The following NFATC1 variants were observed in gnomAD, a reference collection of about 807,000 sequenced individuals.
The protein encoded by NFATC1 is nuclear factor of activated T cells 1, also known as nuclear factor of activated T-cells, cytoplasmic 1.
A neutral mutation model predicts 76.0 loss-of-function variants in NFATC1; 22 were observed. That is an observed-to-expected ratio of 0.29 (90% CI 0.21 to 0.41). NFATC1 has a LOEUF of 0.41. Among genes scored for constraint, NFATC1 ranks in the 10% least tolerant of loss-of-function variants. NFATC1 has a pLI of 1.00. For synonymous variants in NFATC1, 704 were observed against 613.1 expected, an observed-to-expected ratio of 1.15 and a Z score of -2.19; for missense variants, 1,357 against 1,337.7, an observed-to-expected ratio of 1.01 and a Z score of -0.23.
intron 9 of NFATC1, among the ~76,000 whole-genome samples, chr18:79,508,454 A>G (rs2090168492): frequency 6.6e-6 from 1 of 151,494 alleles, no homozygotes; most frequent in Non-Finnish European, 1.5e-5. Flanking sequence ...GAGCTCAGAA[A>G]TGTTTGTCAG....
At chr18:79,502,112 G>C (rs2090026200) in intron 9 of NFATC1, among the ~76,000 whole-genome samples, 1 of 152,238 alleles carries the variant, frequency 6.6e-6, no homozygotes, top group Non-Finnish European at 1.5e-5. Context: ...AGAACTTTCT[G>C]TGAAGCTATA....
At chr18:79,527,315 G>A (rs767022736) in intron 9 of NFATC1, 65 of 544,472 alleles carry the variant, frequency 1.2e-4, no homozygotes, top group African/African-American at 4.2e-4. Flanking sequence ...GGACGAGGGC[G>A]GTCACTCTGG....
intron 2 of NFATC1, among the ~76,000 whole-genome samples, chr18:79,430,900 C>T (rs2086567638): frequency 2.0e-5 from 3 of 152,236 alleles, no homozygotes; most frequent in South Asian, 4.1e-4. Flanking sequence ...GAGCTCTGTG[C>T]AGAGAAGTCT....
intron 9 of NFATC1, among the ~76,000 whole-genome samples, chr18:79,506,143 A>G (rs1600951830): frequency 6.6e-6 from 1 of 152,290 alleles, no homozygotes; most frequent in African/African-American, 2.4e-5. Flanking sequence ...AGTTTTGAGC[A>G]TTTTGTTAAT....
intron 3 of NFATC1, 48 bp downstream of exon 3, chr18:79,433,786 A>C: frequency 1.3e-6 from 2 of 1,580,120 alleles, no homozygotes; most frequent in Non-Finnish European, 1.7e-6. Context: ...TTTTGTGGTC[A>C]AAAAGTAACT....
intron 2 of NFATC1, among the ~76,000 whole-genome samples, chr18:79,425,400 C>T (rs2086291368): frequency 6.6e-6 from 1 of 152,248 alleles, no homozygotes; most frequent in South Asian, 2.1e-4. Context: ...CTGAAACCCT[C>T]GCCCTCCTGA....
At chr18:79,464,687 T>TATAG (rs1222696839) in intron 7 of NFATC1, among the ~76,000 whole-genome samples, 9 of 110,930 alleles carry the variant, frequency 8.1e-5, no homozygotes, top group African/African-American at 4.2e-4. Flanking sequence ...TATGTGTATA[T>TATAG]ATATATATTT....
intron 9 of NFATC1, among the ~76,000 whole-genome samples, chr18:79,526,877 C>T (rs954736777): frequency 4.6e-5 from 7 of 152,234 alleles, no homozygotes; most frequent in South Asian, 2.1e-4. Context: ...AGTTCCGTGA[C>T]GTCAGCGCAC....
intron 1 of NFATC1, among the ~76,000 whole-genome samples, chr18:79,406,455 C>T (rs622783): frequency 1.3e-3 from 195 of 152,160 alleles, no homozygotes; most frequent in Non-Finnish European, 1.9e-3. Flanking sequence ...ACGCTGCCAT[C>T]GTGTTCCCTC....
intron 3 of NFATC1, 21 bp downstream of exon 3, chr18:79,433,759 C>G (rs748937441): frequency 2.5e-6 from 4 of 1,601,402 alleles, no homozygotes; most frequent in East Asian, 4.5e-5. Context: ...CGGCCAGACT[C>G]GCACGTCACT....
intron 3 of NFATC1, chr18:79,448,532 C>T: frequency 3.7e-6 from 2 of 543,906 alleles, no homozygotes; most frequent in Non-Finnish European, 6.5e-6. Flanking sequence ...TGGGCACACA[C>T]AGCAAGTGTG....
At chr18:79,437,355 G>T (rs2086815865) in intron 3 of NFATC1, among the ~76,000 whole-genome samples, 1 of 152,160 alleles carries the variant, frequency 6.6e-6, no homozygotes, top group South Asian at 2.1e-4. Context: ...GAGGCTTCTG[G>T]CCAGGCAGGG....
intron 8 of NFATC1, among the ~76,000 whole-genome samples, chr18:79,477,666 C>T (rs567358682): frequency 7.2e-5 from 11 of 152,302 alleles, no homozygotes; most frequent in Admixed American, 3.3e-4. Context: ...GTCCGGGGCA[C>T]TGTCTCAGTC....
Position 79,529,126 on chromosome 18 carries a change from C to T in NFATC1, c.*1549C>T, listed in dbSNP as rs573616587. The T allele has an allele frequency of 2.6e-5, 4 of 152,396 alleles. No individual in the cohort carries two copies. The highest frequency in any genetic ancestry group is 4.8e-5 in the African/African-American group (2 of 41,586). The allele number at this position is 152,396 out of a possible 1,614,324, so 9.4% of individuals were successfully genotyped here. A position where few individuals can be genotyped will look rare whatever the true frequency, so the allele number is the denominator to read the frequency against. The stretch of plus-strand genomic sequence containing the variant: ...TCACGGAAAGAAACAACCTGAAGGC[C>T]ATCCCGTCGGTCTGCACGTAACCGT... On this transcript the variant is annotated 3_prime_UTR_variant, in exon 10 of 10. Coordinates refer to ENST00000427363, the MANE Select transcript of NFATC1 (RefSeq NM_001278669.2).
rs748779644 is a variant in NFATC1, at chr18:79,448,753, T to C, written c.1387-29T>C. ...TCCCGGCGGTCTGTGCTCTGGGTGC[T>C]GAGCAGGTGTTTTCTGTTCTCTCGC... On this transcript the variant is annotated intron_variant, in intron 3 of 9. Coordinates refer to ENST00000427363, the MANE Select transcript of NFATC1 (RefSeq NM_001278669.2). 2.2e-5 allele frequency: 36 copies of C among 1,604,058 alleles called. 1 individual carries two copies. In the Middle Eastern group the frequency reaches 6.7e-4, roughly 30 times the overall value.
chr18:79,426,330 C>T (rs1265675006), intron 2 of NFATC1, among the ~76,000 whole-genome samples: 2 of 151,898 alleles, frequency 1.3e-5, no homozygotes, highest in Non-Finnish European at 2.9e-5. Context: ...CCTTCCCAGG[C>T]GAGGGAGACA....
chr18:79,400,268 C>CG (rs1353599983), intron 1 of NFATC1: 336 of 968,454 alleles, frequency 3.5e-4, no homozygotes, highest in Middle Eastern at 2.9e-3. Context: ...GGGGCGGGGG[C>CG]GGGGCGGGGA....
chr18:79,442,139 G>A (rs2087001327), intron 3 of NFATC1, among the ~76,000 whole-genome samples: 1 of 152,196 alleles, frequency 6.6e-6, no homozygotes, highest in Non-Finnish European at 1.5e-5. Flanking sequence ...GAGCAGCCGG[G>A]AGGGCAGCGG....
At chr18:79,406,902 G>A (rs1344618869) in intron 1 of NFATC1, among the ~76,000 whole-genome samples, 1 of 152,200 alleles carries the variant, frequency 6.6e-6, no homozygotes, top group African/African-American at 2.4e-5. Context: ...AGACGTCAGG[G>A]CTGGCCTGGC....
Sources: allele counts gnomAD v4.1 joint callset (sites outside exome capture counted in the v4.1 genomes callset), GRCh38; gene constraint gnomAD v4.1.1; transcripts MANE v1.5; gene names NCBI Gene and HGNC (gene_info 2026-07-23, HGNC 2026-07-21).